Variants in TGM3 observed in about 807,000 individuals in gnomAD.
The protein encoded by TGM3 is transglutaminase 3, also known as protein-glutamine gamma-glutamyltransferase E.
TGM3 carries 52 observed loss-of-function variants against 73.8 expected under a neutral mutation model. The ratio of observed to expected loss-of-function variants is 0.70; its 90% CI spans 0.56 to 0.89. The LOEUF (loss-of-function observed/expected upper bound fraction) is 0.89, where lower values mean the gene tolerates loss of function less well. Among genes scored for constraint, TGM3 ranks in the 40% least tolerant of loss-of-function variants. TGM3 has a pLI of 0.00. For missense variants in TGM3, 928 were observed against 909.9 expected (o/e 1.02, Z -0.26); for synonymous variants, 372 against 354.9 (o/e 1.05, Z -0.54).
In TGM3 at chr20:2,328,696, C is replaced by T. The variant is rs1447584001; in HGVS notation, c.1333+331C>T. On this transcript the variant is annotated intron_variant, in intron 9 of 12. Transcript: ENST00000381458. This position sits in a 1 kb window ranked among gnomAD's most constrained non-coding sequence, Gnocchi z 5.2. ...ACATCACAGGGAGAGACATGGCCCC[C>T]ATGAAAGGCCCCCAAGGGCTTTGGG... 6.6e-6 allele frequency among the ~76,000 whole-genome samples: 1 copy of T among 152,222 alleles called. No homozygotes were observed. Among genetic ancestry groups the T allele is most frequent in the African/African-American group, 2.4e-5 (1 of 41,456 alleles).
chr20:2,328,510 C>T lies in TGM3; in HGVS notation c.1333+145C>T, dbSNP rs1600705219. On this transcript the variant is annotated intron_variant, in intron 9 of 12. Transcript: ENST00000381458. This position sits in a 1 kb window ranked among gnomAD's most constrained non-coding sequence, Gnocchi z 5.2. The stretch of plus-strand genomic sequence containing the variant: ...GATAGGATTGCTCCCTAGCACCTAA[C>T]ATCCACCTCCCAGGACTGTTTCCGG... The T allele has an allele frequency of 4.2e-6, 5 of 1,183,576 alleles. No individual in the cohort carries two copies. Among genetic ancestry groups the T allele is most frequent in the East Asian group, 5.1e-5 (2 of 38,938 alleles). 73.3% of individuals were successfully genotyped at this position (1,183,576 alleles called of 1,614,324 possible). A position where few individuals can be genotyped will look rare whatever the true frequency, so the allele number is the denominator to read the frequency against.
chr20:2,300,254 A>AAG (rs2084137867), intron 1 of TGM3, among the ~76,000 whole-genome samples: 1 of 146,358 alleles, frequency 6.8e-6, no homozygotes, highest in East Asian at 1.9e-4. Flanking sequence ...GAAAGAAAGA[A>AAG]AAGAGAGGAG....
intron 10 of TGM3, among the ~76,000 whole-genome samples, chr20:2,333,946 G>A (rs2084334021): frequency 6.6e-6 from 1 of 152,166 alleles, no homozygotes; most frequent in Non-Finnish European, 1.5e-5. Flanking sequence ...GGGCAGGGAT[G>A]GCAAATTCCT....
intron 4 of TGM3, among the ~76,000 whole-genome samples, chr20:2,311,502 C>T (rs887505265): frequency 4.6e-5 from 7 of 152,132 alleles, no homozygotes; most frequent in African/African-American, 9.7e-5. Context: ...TGTAACAATG[C>T]GATGACACTT....
chr20:2,297,183 G>A (rs2122200176), intron 1 of TGM3, among the ~76,000 whole-genome samples: 1 of 152,330 alleles, frequency 6.6e-6, no homozygotes, highest in South Asian at 2.1e-4. Context: ...GGAAGGGGTG[G>A]AACCTTACAC....
At chr20:2,313,672 C>A (rs2084218946) in intron 5 of TGM3, among the ~76,000 whole-genome samples, 1 of 152,196 alleles carries the variant, frequency 6.6e-6, no homozygotes, top group African/African-American at 2.4e-5. Flanking sequence ...CTCTCAGACA[C>A]ACACACACAC....
chr20:2,335,295 T>C lies in TGM3; in HGVS notation c.1800+22T>C, dbSNP rs764056252. 8 of 1,612,878 alleles carry C rather than the reference T, an allele frequency of 5.0e-6. No individual in the cohort carries two copies. In the African/African-American group the frequency reaches 8.0e-5, roughly 16 times the overall value. ...GGAGGTAATGGGGCTCCCCATCCTG[T>C]GGGAAGGGGTTCTGCCCCCAGCCAG... On this transcript the variant is annotated intron_variant, in intron 11 of 12. Transcript: ENST00000381458.
chr20:2,335,746 C>A (rs1451702001), intron 11 of TGM3, among the ~76,000 whole-genome samples: 1 of 152,158 alleles, frequency 6.6e-6, no homozygotes, highest in African/African-American at 2.4e-5. Context: ...CACAGCCCAG[C>A]CCTCTGTCAT....
chr20:2,328,727 T>C lies in TGM3; in HGVS notation c.1333+362T>C, dbSNP rs1317007159. Among the ~76,000 whole-genome samples the C allele has an allele frequency of 6.6e-6, 1 of 151,994 alleles. No individual in the cohort carries two copies. Among genetic ancestry groups the C allele is most frequent in the Non-Finnish European group, 1.5e-5 (1 of 67,986 alleles). ...AGGCCCCCAAGGGCTTTGGGAGAGATTTCTCCATCAGTCTGCTCCCTTAGC... is the reference window on the plus strand; with the variant it reads ...AGGCCCCCAAGGGCTTTGGGAGAGACTTCTCCATCAGTCTGCTCCCTTAGC... On this transcript the variant is annotated intron_variant, in intron 9 of 12. Coordinates refer to ENST00000381458, the MANE Select transcript of TGM3 (RefSeq NM_003245.4). The surrounding 1 kb of genome is among the most constrained non-coding windows in gnomAD (Gnocchi z 5.2).
intron 5 of TGM3, among the ~76,000 whole-genome samples, chr20:2,316,751 G>A (rs1210747901): frequency 6.6e-6 from 1 of 152,076 alleles, no homozygotes; most frequent in Non-Finnish European, 1.5e-5. Flanking sequence ...CTGGAGTTGT[G>A]CCCTGCCTTG....
At position 2,321,743 on chromosome 20, in the gene TGM3, G is replaced by GGA. The variant is rs1280414813; in HGVS notation, c.984-4103_984-4102dup. Among the ~76,000 whole-genome samples the GGA allele has an allele frequency of 3.3e-5, 5 of 152,148 alleles. No homozygotes were observed. The East Asian group carries it at 7.7e-4, about 23-fold the overall frequency. On this transcript the variant is annotated intron_variant, in intron 7 of 12. Coordinates refer to ENST00000381458, the MANE Select transcript of TGM3 (RefSeq NM_003245.4). Reference sequence around the variant, plus strand: ...GAGTGGAGCCCGAGGTTGGGGGGTGGGAGACAGCGTGGCACACAACCAGAA... The same window carrying GGA: ...GAGTGGAGCCCGAGGTTGGGGGGTGGGAGAGACAGCGTGGCACACAACCAGAA...
chr20:2,316,968 C>T (rs1206876977), intron 5 of TGM3, 100 bp from the exon 6 acceptor site: 2 of 1,403,558 alleles, frequency 1.4e-6, no homozygotes, highest in East Asian at 2.3e-5. Context: ...CCTTTGGCTT[C>T]CTTCCTCATC....
chr20:2,306,472 C>CTTTTTTTTTTTTTTTTTCTTTTTTT (rs33929365), intron 1 of TGM3, among the ~76,000 whole-genome samples: 1 of 129,622 alleles, frequency 7.7e-6, no homozygotes, highest in Non-Finnish European at 1.6e-5. Flanking sequence ...CTTTTCCTTT[C>CTTTTTTTTTTTTTTTTTCTTTTTTT]TTTTTTTTTT....
intron 7 of TGM3, among the ~76,000 whole-genome samples, chr20:2,323,021 A>G (rs1923101): frequency 0.75 from 113,536 of 152,156 alleles, 42,586 homozygotes; most frequent in East Asian, 0.9. Flanking sequence ...TTTAATGAAC[A>G]GCTTTATCAT....
At chr20:2,322,614 T>C (rs1600701963) in intron 7 of TGM3, among the ~76,000 whole-genome samples, 1 of 152,236 alleles carries the variant, frequency 6.6e-6, no homozygotes, top group African/African-American at 2.4e-5. Flanking sequence ...GCTGCCTGGA[T>C]TCAAATCCCA....
intron 8 of TGM3, among the ~76,000 whole-genome samples, chr20:2,327,178 T>C (rs1252228425): frequency 1.3e-5 from 2 of 151,980 alleles, no homozygotes; most frequent in East Asian, 3.9e-4. Flanking sequence ...TCATTAGATA[T>C]AGTTAGACTA....
At chr20:2,310,503 AG>A (rs2084198122) in intron 3 of TGM3, 86 bp downstream of exon 3, 4 of 1,554,912 alleles carry the variant, frequency 2.6e-6, no homozygotes, top group Non-Finnish European at 2.6e-6. Context: ...CACAGGCTCA[AG>A]TTTGATTAGG....
At chr20:2,321,352 G>A (rs2084261992) in intron 7 of TGM3, among the ~76,000 whole-genome samples, 1 of 152,214 alleles carries the variant, frequency 6.6e-6, no homozygotes, top group Non-Finnish European at 1.5e-5. Context: ...TGAATTATTT[G>A]CAAGAGTCAG....
intron 8 of TGM3, among the ~76,000 whole-genome samples, chr20:2,326,486 C>T (rs1010155842): frequency 2.0e-5 from 3 of 152,236 alleles, no homozygotes; most frequent in African/African-American, 7.2e-5. Flanking sequence ...TTTCCTCTTC[C>T]CTTCTCTGAC....
Sources: gnomAD v4.1 joint callset for allele counts (sites outside exome capture counted in the v4.1 genomes callset) on GRCh38, gnomAD v4.1.1 for gene constraint, Gnocchi (gnomAD v3.1) non-coding constraint, MANE v1.5 for transcripts, NCBI Gene and HGNC (gene_info 2026-07-23, HGNC 2026-07-21) for gene names.